Variants in SLC6A7 observed in about 807,000 individuals in gnomAD.
SLC6A7 encodes the protein solute carrier family 6 member 7.
In SLC6A7, 58 loss-of-function variants were observed where a neutral mutation model predicts 73.1. The observed-to-expected ratio is 0.79, with a 90% CI of 0.64 to 0.99. The LOEUF (loss-of-function observed/expected upper bound fraction) is 0.99, where lower values mean the gene tolerates loss of function less well. Ranked by LOEUF, SLC6A7 falls within the 50% of genes least tolerant of loss-of-function variation. The probability of loss-of-function intolerance (pLI) is 0.00; values close to 1 mark genes in which losing one functional copy is unlikely to be tolerated. For missense variants in SLC6A7, 783 were observed against 831.4 expected, an observed-to-expected ratio of 0.94 and a Z score of 0.72; for synonymous variants, 338 against 338.7, an observed-to-expected ratio of 1.00 and a Z score of 0.02.
intron 4 of SLC6A7, among the ~76,000 whole-genome samples, chr5:150,198,827 TGTGTGTG>T (rs1562087133): frequency 3.7e-4 from 56 of 149,664 alleles, no homozygotes; most frequent in Middle Eastern, 6.8e-3. Flanking sequence ...TGTGTGTGTG[TGTGTGTG>T]TGTGTGTGTG....
chr5:150,200,407 C>T (rs1175594740), intron 5 of SLC6A7, among the ~76,000 whole-genome samples: 1 of 152,110 alleles, frequency 6.6e-6, no homozygotes, highest in East Asian at 1.9e-4. Flanking sequence ...ACGGGAGAAT[C>T]GCTTGAACCT....
chr5:150,208,290 G>C (rs569628025), intron 13 of SLC6A7, among the ~76,000 whole-genome samples: 1 of 152,146 alleles, frequency 6.6e-6, no homozygotes, highest in African/African-American at 2.4e-5. Flanking sequence ...CTGACTAACC[G>C]GACAGGGTGA....
Position 150,209,546 on chromosome 5 carries a change from C to T in SLC6A7, c.1842C>T (p.Ile614=). Reference sequence around the variant, plus strand: ...TGCACATGCGCAAGTACGGGGGCATCACCAGCTTCGAGAACACGGCCATCG... The same window carrying T: ...TGCACATGCGCAAGTACGGGGGCATTACCAGCTTCGAGAACACGGCCATCG... ...LMVHMRKYGG[I]TSFENTAIEV... Residue 614 remains isoleucine (I), a synonymous_variant, in exon 14 of 14, where the codon ATC becomes ATT. Transcript: ENST00000230671. 1 of 1,614,114 alleles carries T rather than the reference C, an allele frequency of 6.2e-7. No homozygotes were observed. Among genetic ancestry groups the T allele is most frequent in the Non-Finnish European group, 8.5e-7 (1 of 1,179,992 alleles).
At chr5:150,194,254 C>T (rs1752911730) in intron 1 of SLC6A7, among the ~76,000 whole-genome samples, 1 of 151,902 alleles carries the variant, frequency 6.6e-6, no homozygotes, top group African/African-American at 2.4e-5. Flanking sequence ...ACGGTGAAAC[C>T]CTGTCTCTAC....
At chr5:150,209,272 C>G in intron 13 of SLC6A7, 134 bp from the exon 14 acceptor site, 2 of 737,162 alleles carry the variant, frequency 2.7e-6, no homozygotes, top group African/African-American at 1.7e-5. Context: ...GTGCCCCCCA[C>G]TTCCCCGCCA....
chr5:150,196,803 G>T lies in SLC6A7; in HGVS notation c.305G>T (p.Ser102Ile), dbSNP rs747850424. The T allele has an allele frequency of 1.2e-6, 2 of 1,614,140 alleles. No individual in the cohort carries two copies. The highest frequency in any genetic ancestry group is 4.5e-5 in the East Asian group (2 of 44,874). The change falls in exon 3 of 14, where the codon AGC (serine) becomes ATC (isoleucine). Residue 102 changes from serine (S) to isoleucine (I), a missense_variant. Transcript: ENST00000230671. Reference sequence around the variant, plus strand: ...GAGCTCTCCCTGGGCCAGTTCTCCAGCCTAGGGCCCCTGGCTGTCTGGAAA... The same window carrying T: ...GAGCTCTCCCTGGGCCAGTTCTCCATCCTAGGGCCCCTGGCTGTCTGGAAA... ...FLELSLGQFS[S>I]LGPLAVWKIS...
intron 8 of SLC6A7, among the ~76,000 whole-genome samples, chr5:150,202,978 G>T (rs1160937713): frequency 6.6e-6 from 1 of 152,098 alleles, no homozygotes; most frequent in Non-Finnish European, 1.5e-5. Flanking sequence ...GGAGGCTGAG[G>T]CAGGAGAATC....
intron 4 of SLC6A7, among the ~76,000 whole-genome samples, chr5:150,198,049 G>GAGAAAGAAAGAAAGAAAGAA (rs1554115584): frequency 8.7e-5 from 9 of 103,648 alleles, no homozygotes; most frequent in East Asian, 2.5e-4. Context: ...AAAGAAGAAA[G>GAGAAAGAAAGAAAGAAAGAA]AGAAAGAAAG....
chr5:150,209,414 A>G lies in SLC6A7; in HGVS notation c.1710A>G (p.Gln570=). 6.2e-7 allele frequency: 1 copy of G among 1,613,284 alleles called. No individual in the cohort carries two copies. Among genetic ancestry groups the G allele is most frequent in the Non-Finnish European group, 8.5e-7 (1 of 1,179,842 alleles). The change falls in exon 14 of 14, where the codon CAA becomes CAG. Residue 570 remains glutamine, a synonymous_variant. Coordinates refer to ENST00000230671, the MANE Select transcript of SLC6A7 (RefSeq NM_014228.5). ...REEGSLWERL[Q]QASRPAMDWG... ...TCGTTGCTTTGCTGCAGCGGCTCCA[A>G]CAGGCCAGCCGGCCGGCCATGGACT...
At chr5:150,198,117 G>GGAAGGAAAGAA (rs1343668353) in intron 4 of SLC6A7, among the ~76,000 whole-genome samples, 3 of 57,562 alleles carry the variant, frequency 5.2e-5, no homozygotes, top group African/African-American at 7.2e-5. Context: ...GAAAGAAAGA[G>GGAAGGAAAGAA]AAAGAAAGAA....
At position 150,202,447 on chromosome 5, in the gene SLC6A7, A is replaced by G. The variant is rs775635399; in HGVS notation, c.959A>G (p.Tyr320Cys). ...TACAACACGTTTCACCAGAACATCT[A>G]TAGGTCAGTGTCCCACAGCCTCCCA... ...ASYNTFHQNI[Y>C]RDTFIVTLGN... is the part of the protein sequence containing the mutation. Residue 320 changes from tyrosine to cysteine, a missense_variant, in exon 7 of 14, where the codon TAT (tyrosine) becomes TGT (cysteine). Tyr to Cys is a radical substitution (Grantham distance 194). Coordinates refer to ENST00000230671, the MANE Select transcript of SLC6A7 (RefSeq NM_014228.5). 1 of 1,613,476 alleles carries G rather than the reference A, an allele frequency of 6.2e-7. No homozygotes were observed. The highest frequency in any genetic ancestry group is 8.5e-7 in the Non-Finnish European group (1 of 1,179,436).
At chr5:150,191,298 G>C (rs2113962935) in intron 1 of SLC6A7, among the ~76,000 whole-genome samples, 2 of 152,184 alleles carry the variant, frequency 1.3e-5, no homozygotes, top group Middle Eastern at 6.8e-3. Context: ...CTGTTCTCAG[G>C]GGCTGGTGTT....
chr5:150,190,381 C>A (rs573600016), intron 1 of SLC6A7, 21 bp downstream of exon 1: 2 of 1,477,630 alleles, frequency 1.4e-6, no homozygotes, highest in Non-Finnish European at 1.8e-6. Context: ...AGGGCGGGGG[C>A]GCTGGGGGTG....
chr5:150,195,724 A>G (rs1752986626), intron 2 of SLC6A7, among the ~76,000 whole-genome samples: 1 of 152,224 alleles, frequency 6.6e-6, no homozygotes, highest in Admixed American at 6.5e-5. Context: ...GCATATATTG[A>G]GAAAGTGAGA....
At chr5:150,198,301 C>A (rs1157302979) in intron 4 of SLC6A7, among the ~76,000 whole-genome samples, 5 of 150,956 alleles carry the variant, frequency 3.3e-5, no homozygotes, top group African/African-American at 1.2e-4. Context: ...CCCTATAACC[C>A]CCATCCCTTA....
At chr5:150,199,936 G>A (rs1753280240) in intron 5 of SLC6A7, among the ~76,000 whole-genome samples, 1 of 152,168 alleles carries the variant, frequency 6.6e-6, no homozygotes, top group Admixed American at 6.5e-5. Context: ...TCCCCAGTTT[G>A]CAACTATTTT....
At chr5:150,201,895 C>A (rs1044537055) in intron 6 of SLC6A7, among the ~76,000 whole-genome samples, 2 of 152,150 alleles carry the variant, frequency 1.3e-5, no homozygotes, top group African/African-American at 4.8e-5. Flanking sequence ...CCTATCCCCT[C>A]GTTACAGATA....
chr5:150,198,115 G>GAAGGAAAGAAAA (rs1224170798), intron 4 of SLC6A7, among the ~76,000 whole-genome samples: 865 of 77,550 alleles, frequency 0.011, 19 homozygotes, highest in African/African-American at 0.033. Context: ...AAGAAAGAAA[G>GAAGGAAAGAAAA]AGAAAGAAAG....
At chr5:150,204,430 C>T (rs1753568461) in intron 10 of SLC6A7, 102 bp from the exon 11 acceptor site, 1 of 895,490 alleles carries the variant, frequency 1.1e-6, no homozygotes, top group African/African-American at 1.6e-5. Flanking sequence ...TCATCTTGTG[C>T]TGTCAGCATG....
Sources: gnomAD v4.1 joint callset for allele counts (sites outside exome capture counted in the v4.1 genomes callset) on GRCh38, gnomAD v4.1.1 for gene constraint, MANE v1.5 for transcripts, NCBI Gene and HGNC (gene_info 2026-07-23, HGNC 2026-07-21) for gene names.